CDH23: variants seen among roughly 807,000 people sequenced by gnomAD.
CDH23 encodes cadherin related 23.
Under a neutral mutation model 317.1 loss-of-function variants are expected in CDH23, and 189 were observed. The observed-to-expected ratio is 0.60, with a 90% CI of 0.53 to 0.67. CDH23 has a LOEUF of 0.67. Among genes scored for constraint, CDH23 ranks in the 30% least tolerant of loss-of-function variants. The pLI is 0.00. For missense variants in CDH23, 4,401 were observed against 4,592.4 expected (o/e 0.96, Z 1.20); for synonymous variants, 1,839 against 1,876.8 (o/e 0.98, Z 0.52).
At chr10:71,621,817 G>T (rs1301369399) in intron 11 of CDH23, among the ~76,000 whole-genome samples, 1 of 152,132 alleles carries the variant, frequency 6.6e-6, no homozygotes, top group South Asian at 2.1e-4. Flanking sequence ...CAACAAAGGT[G>T]CTTGAAAGCA....
chr10:71,684,036 G>C (rs924398391), intron 18 of CDH23, among the ~76,000 whole-genome samples: 6 of 151,640 alleles, frequency 4.0e-5, no homozygotes, highest in Non-Finnish European at 8.8e-5. Context: ...AGCCGAGATC[G>C]CACCATTGCA....
intron 48 of CDH23, chr10:71,795,630 C>A: frequency 4.4e-6 from 1 of 228,232 alleles, no homozygotes; most frequent in Non-Finnish European, 7.3e-6. Flanking sequence ...GCTCTCCACT[C>A]CAAATGGGCT....
chr10:71,758,725 G>A (rs1840212482), intron 38 of CDH23, among the ~76,000 whole-genome samples: 1 of 152,132 alleles, frequency 6.6e-6, no homozygotes, highest in African/African-American at 2.4e-5. Context: ...ACTTCATAGA[G>A]TTCTTATAAG....
intron 14 of CDH23, among the ~76,000 whole-genome samples, chr10:71,659,240 C>G (rs1233258655): frequency 2.0e-5 from 3 of 152,206 alleles, no homozygotes; most frequent in African/African-American, 7.2e-5. Flanking sequence ...TTTGTAAATG[C>G]TGCAGACCAA....
intron 9 of CDH23, among the ~76,000 whole-genome samples, chr10:71,591,281 A>T (rs1859477119): frequency 6.6e-6 from 1 of 152,218 alleles, no homozygotes. Context: ...TGGTGCATGG[A>T]TGGGGCGTGA....
rs727504841 is a variant in CDH23, at chr10:71,793,487, G to A, written c.6559G>A (p.Ala2187Thr). ...PIQTVSVLES[A>T]EPGTVIANIT... is the part of the protein sequence containing the mutation. Reference sequence around the variant, plus strand: ...CCAGACAGTGAGCGTGCTGGAGTCGGCTGAGCCAGGCACTGTCATTGCCAA... The same window carrying A: ...CCAGACAGTGAGCGTGCTGGAGTCGACTGAGCCAGGCACTGTCATTGCCAA... The change falls in exon 48 of 70, where the codon GCT becomes ACT. Residue 2187 changes from alanine to threonine, a missense_variant. Around this residue, in one of 3 missense-constraint regions of CDH23, gnomAD observed 3,068 missense variants for 3,203.3 expected, o/e 0.96. Coordinates refer to ENST00000224721, the MANE Select transcript of CDH23 (RefSeq NM_022124.6). The A allele has an allele frequency of 4.3e-6, 7 of 1,613,978 alleles. No individual in the cohort carries two copies. In the Admixed American group the frequency reaches 1.2e-4, roughly 27 times the overall value.
At chr10:71,793,833 C>T (rs1447004137) in intron 48 of CDH23, among the ~76,000 whole-genome samples, 193 bp downstream of exon 48, 1 of 152,180 alleles carries the variant, frequency 6.6e-6, no homozygotes, top group Non-Finnish European at 1.5e-5. Context: ...TTCTCTGCTT[C>T]CTCATCCTCC....
At chr10:71,563,898 A>C (rs1317476257) in intron 6 of CDH23, among the ~76,000 whole-genome samples, 1 of 151,852 alleles carries the variant, frequency 6.6e-6, no homozygotes, top group Non-Finnish European at 1.5e-5. Flanking sequence ...ACAGGCACGC[A>C]CCACCACGCC....
intron 9 of CDH23, among the ~76,000 whole-genome samples, chr10:71,606,739 CA>C: frequency 6.6e-6 from 1 of 151,954 alleles, no homozygotes; most frequent in Non-Finnish European, 1.5e-5. Flanking sequence ...GAGAGAGTGA[CA>C]GGGGTGAGGG....
intron 14 of CDH23, among the ~76,000 whole-genome samples, chr10:71,669,166 G>A (rs970774667): frequency 1.3e-5 from 2 of 152,166 alleles, no homozygotes; most frequent in African/African-American, 4.8e-5. Flanking sequence ...GGAGGCTGAT[G>A]GGGAGGCAGA....
intron 22 of CDH23, among the ~76,000 whole-genome samples, chr10:71,701,656 C>T (rs1865590235): frequency 6.6e-6 from 1 of 152,134 alleles, no homozygotes; most frequent in East Asian, 1.9e-4. Context: ...AAACTGGGCC[C>T]CAGCCATGGC....
At chr10:71,565,636 C>T (rs1231918547) in intron 6 of CDH23, among the ~76,000 whole-genome samples, 1 of 152,166 alleles carries the variant, frequency 6.6e-6, no homozygotes, top group African/African-American at 2.4e-5. Context: ...CTTGTCTGTG[C>T]CCCTCTAGGT....
intron 42 of CDH23, 123 bp downstream of exon 42, chr10:71,784,543 G>A (rs1237976309): frequency 2.2e-6 from 3 of 1,349,426 alleles, no homozygotes; most frequent in African/African-American, 2.9e-5. Context: ...AGCCAGGCCA[G>A]GCCTGCCCCT....
intron 2 of CDH23, among the ~76,000 whole-genome samples, chr10:71,440,928 G>A (rs557082241): frequency 2.6e-5 from 4 of 152,236 alleles, no homozygotes; most frequent in South Asian, 2.1e-4. Context: ...CTGCAGCCTC[G>A]TGCTTGTTGG....
chr10:71,703,233 CT>C (rs1564743462), intron 24 of CDH23, among the ~76,000 whole-genome samples: 1 of 152,198 alleles, frequency 6.6e-6, no homozygotes. Flanking sequence ...CCTGAAGGTG[CT>C]GGTTTAGGGG....
intron 11 of CDH23, among the ~76,000 whole-genome samples, chr10:71,636,407 G>C (rs1399412292): frequency 6.6e-6 from 1 of 152,124 alleles, no homozygotes; most frequent in Non-Finnish European, 1.5e-5. Flanking sequence ...TGTGGTCCCA[G>C]CTACTTGAGA....
chr10:71,527,153 CCT>C (rs371085525), intron 6 of CDH23, among the ~76,000 whole-genome samples: 46 of 152,344 alleles, frequency 3.0e-4, no homozygotes, highest in African/African-American at 1.1e-3. Flanking sequence ...ATGCCAGACA[CCT>C]CTCTCAGTCT....
intron 11 of CDH23, among the ~76,000 whole-genome samples, chr10:71,627,637 G>A (rs1002875707): frequency 5.3e-5 from 8 of 152,028 alleles, no homozygotes; most frequent in Non-Finnish European, 1.0e-4. Flanking sequence ...TCCTCCACAC[G>A]CCGGTTCCCG....
intron 12 of CDH23, among the ~76,000 whole-genome samples, chr10:71,645,208 AC>A (rs1268779695): frequency 1.3e-5 from 2 of 152,202 alleles, no homozygotes; most frequent in African/African-American, 4.8e-5. Context: ...TGGGGTGGCC[AC>A]CCTGTGCTCA....
Sources: gnomAD v4.1 joint callset for allele counts (sites outside exome capture counted in the v4.1 genomes callset) on GRCh38, gnomAD v4.1.1 for gene constraint, gnomAD v4.1.1 regional missense constraint, MANE v1.5 for transcripts, NCBI Gene and HGNC (gene_info 2026-07-23, HGNC 2026-07-21) for gene names.